The following MICAL2 variants were observed in gnomAD, a reference collection of about 807,000 sequenced individuals.
MICAL2 encodes microtubule associated monooxygenase, calponin and LIM domain containing 2, also known as [F-actin]-monooxygenase MICAL2.
A neutral mutation model predicts 127.3 loss-of-function variants in MICAL2; 77 were observed. That is an observed-to-expected ratio of 0.60 (90% CI 0.50 to 0.73). The LOEUF (loss-of-function observed/expected upper bound fraction) is 0.73, where lower values mean the gene tolerates loss of function less well. MICAL2 is among the 30% of genes least tolerant of loss of function. The pLI, the probability that MICAL2 is intolerant of heterozygous loss-of-function variation, is 0.00. For missense variants in MICAL2, 1,351 were observed against 1,434.4 expected (o/e 0.94, Z 0.94); for synonymous variants, 570 against 551.1 (o/e 1.03, Z -0.48).
chr11:12,216,430 G>A, intron 8 of MICAL2, 111 bp downstream of exon 8: 2 of 810,484 alleles, frequency 2.5e-6, no homozygotes, highest in Non-Finnish European at 2.1e-6. Context: ...GAGGAGGGGG[G>A]AAGGTGCCAC....
intron 30 of MICAL2, among the ~76,000 whole-genome samples, chr11:12,320,542 G>A (rs1864281366): frequency 6.6e-6 from 1 of 152,126 alleles, no homozygotes. Flanking sequence ...GTGGGGTGGG[G>A]GTGGCAGGGG....
At chr11:12,173,984 A>C (rs966674308) in intron 3 of MICAL2, among the ~76,000 whole-genome samples, 9 of 152,112 alleles carry the variant, frequency 5.9e-5, no homozygotes, top group African/African-American at 2.2e-4. Flanking sequence ...ATTTTTTCGT[A>C]CTGAGTTTTT....
rs759144847 is a variant in MICAL2, at chr11:12,354,765, T to G, written c.5616-19T>G. 3.1e-6 allele frequency: 5 copies of G among 1,611,358 alleles called. No homozygotes were observed. In the African/African-American group the frequency reaches 5.3e-5, roughly 17 times the overall value. Reference sequence around the variant, plus strand: ...ACAAATCTATAGTATTCATAAAATTTGAACATTTTCTCACCCAGGGCCCAG... The same window carrying G: ...ACAAATCTATAGTATTCATAAAATTGGAACATTTTCTCACCCAGGGCCCAG... On this transcript the variant is annotated intron_variant, in intron 33 of 34. Coordinates refer to the MICAL2 transcript ENST00000646065.
intron 2 of MICAL2, among the ~76,000 whole-genome samples, chr11:12,159,722 T>C (rs1016524312): frequency 1.3e-5 from 2 of 152,208 alleles, no homozygotes; most frequent in Non-Finnish European, 2.9e-5. Context: ...GTTCCAAAGA[T>C]AGATAAAGAC....
chr11:12,260,236 C>A, intron 26 of MICAL2: 2 of 1,444,788 alleles, frequency 1.4e-6, no homozygotes, highest in Non-Finnish European at 1.8e-6. Context: ...AGTGCGTTTG[C>A]AGTTTGCTCA....
At chr11:12,294,708 G>A, downstream of MICAL2, 3 of 1,614,042 alleles carry the variant, frequency 1.9e-6, no homozygotes, top group South Asian at 3.3e-5. Flanking sequence ...CTCTTTGGCA[G>A]CCCCAAGAGG....
downstream of MICAL2, chr11:12,294,255 A>G (rs1258347762): frequency 5.0e-6 from 8 of 1,614,162 alleles, 1 homozygote; most frequent in South Asian, 4.4e-5. Flanking sequence ...CTCATAGCCA[A>G]TGCCATCCGA....
rs370447034 is a variant in MICAL2 at position 12,202,439 on chromosome 11, G to C, written c.265-1811G>C. 1.2e-3 allele frequency among the ~76,000 whole-genome samples: 190 copies of C among 152,294 alleles called. 1 individual carries two copies. The highest frequency in any genetic ancestry group is 4.1e-3 in the African/African-American group (171 of 41,566). ...CTCAATTTCCCCATCTGTGAAAGGG[G>C]CACCATAATAGTTCCTTAGATTTGT... On this transcript the variant is annotated intron_variant, in intron 3 of 27. Coordinates refer to ENST00000683283, the MANE Select transcript of MICAL2 (RefSeq NM_001282663.2).
At chr11:12,249,323 G>T (rs575347005) in intron 22 of MICAL2, 77 bp downstream of exon 22, 1 of 837,140 alleles carries the variant, frequency 1.2e-6, no homozygotes, top group East Asian at 2.5e-5. Flanking sequence ...AGGGCTCTGG[G>T]AGTTAAGCGC....
At chr11:12,239,610 G>A in intron 17 of MICAL2, 25 bp downstream of exon 17, 1 of 1,607,362 alleles carries the variant, frequency 6.2e-7, no homozygotes, top group Non-Finnish European at 8.5e-7. Context: ...ATACTCACTG[G>A]ACCTAACTTC....
chr11:12,209,256 C>G (rs1045216944), intron 5 of MICAL2, among the ~76,000 whole-genome samples: 3 of 152,130 alleles, frequency 2.0e-5, no homozygotes, highest in African/African-American at 7.2e-5. Flanking sequence ...CGGAGGCCAA[C>G]AAAACCAGGC....
At chr11:12,182,971 C>T (rs773534788) in intron 3 of MICAL2, among the ~76,000 whole-genome samples, 2 of 152,142 alleles carry the variant, frequency 1.3e-5, no homozygotes, top group Non-Finnish European at 2.9e-5. Context: ...CTCGGTGGCC[C>T]CGCAGACCTG....
At chr11:12,258,893 C>T (rs1394134588) in intron 25 of MICAL2, among the ~76,000 whole-genome samples, 1 of 152,220 alleles carries the variant, frequency 6.6e-6, no homozygotes, top group Non-Finnish European at 1.5e-5. Flanking sequence ...CCCACCTGGC[C>T]ACAAGGTGCT....
chr11:12,134,867 C>T (rs16910593), intron 1 of MICAL2, among the ~76,000 whole-genome samples: 51,575 of 152,082 alleles, frequency 0.34, 8,894 homozygotes, highest in African/African-American at 0.37. Flanking sequence ...TGGAAGGTTT[C>T]GAGGAGGCTC....
intron 33 of MICAL2, among the ~76,000 whole-genome samples, chr11:12,354,134 C>G (rs1939094450): frequency 6.6e-6 from 1 of 152,210 alleles, no homozygotes; most frequent in Non-Finnish European, 1.5e-5. Flanking sequence ...TCTCAGCAAT[C>G]TTTCCATGTA....
intron 19 of MICAL2, 100 bp from the exon 20 acceptor site, chr11:12,242,571 A>C: frequency 7.0e-7 from 1 of 1,434,306 alleles, no homozygotes; most frequent in Non-Finnish European, 9.8e-7. Context: ...GTGAGCAGGC[A>C]AGGCCCCCGG....
intron 6 of MICAL2, among the ~76,000 whole-genome samples, chr11:12,211,400 CA>C (rs780049887): frequency 6.6e-6 from 1 of 151,826 alleles, no homozygotes; most frequent in Non-Finnish European, 1.5e-5. Flanking sequence ...CAAAACAAAA[CA>C]AAAAAAACCC....
chr11:12,339,236 T>G (rs1938818401), intron 32 of MICAL2, among the ~76,000 whole-genome samples: 1 of 152,256 alleles, frequency 6.6e-6, no homozygotes, highest in Non-Finnish European at 1.5e-5. Context: ...TTCCAGTTGA[T>G]CGCGTCAGCT....
At chr11:12,226,956 A>G (rs1857558840) in intron 14 of MICAL2, 69 bp from the exon 15 acceptor site, 2 of 1,268,714 alleles carry the variant, frequency 1.6e-6, no homozygotes, top group Non-Finnish European at 1.1e-6. Context: ...CCCAGCCAAC[A>G]CCTCCTTGTT....
Sources: allele counts gnomAD v4.1 joint callset (sites outside exome capture counted in the v4.1 genomes callset), GRCh38; gene constraint gnomAD v4.1.1; transcripts MANE v1.5; gene names NCBI Gene and HGNC (gene_info 2026-07-23, HGNC 2026-07-21).